Variants in GABRR2 observed in about 807,000 individuals in gnomAD.
GABRR2 encodes gamma-aminobutyric acid type A receptor subunit rho2, also known as gamma-aminobutyric acid receptor subunit rho-2.
A neutral mutation model predicts 47.0 loss-of-function variants in GABRR2; 36 were observed. The observed-to-expected ratio is 0.77, with a 90% CI of 0.59 to 1.01. GABRR2 has a LOEUF of 1.01. GABRR2 is among the 50% of genes least tolerant of loss of function. The pLI, the probability that GABRR2 is intolerant of heterozygous loss-of-function variation, is 0.00. For missense variants in GABRR2, 587 were observed against 594.6 expected (o/e 0.99, Z 0.13); for synonymous variants, 204 against 227.5 (o/e 0.90, Z 0.93).
chr6:89,279,652 G>A (rs1160330507), intron 2 of GABRR2, among the ~76,000 whole-genome samples: 8 of 148,130 alleles, frequency 5.4e-5, no homozygotes, highest in Non-Finnish European at 1.2e-4. Flanking sequence ...GATTACAGGT[G>A]TGAGCCACTA....
chr6:89,265,301 T>C (rs1773865550), intron 7 of GABRR2, among the ~76,000 whole-genome samples: 1 of 152,184 alleles, frequency 6.6e-6, no homozygotes, highest in African/African-American at 2.4e-5. Flanking sequence ...GAAGGAATTG[T>C]TGGCATTTGC....
intron 1 of GABRR2, among the ~76,000 whole-genome samples, chr6:89,304,091 A>C (rs1415320943): frequency 6.6e-6 from 1 of 152,210 alleles, no homozygotes; most frequent in Non-Finnish European, 1.5e-5. Flanking sequence ...CAGCAAAACC[A>C]AAAATTGAGA....
chr6:89,308,111 G>C (rs190171124), intron 1 of GABRR2, among the ~76,000 whole-genome samples: 1 of 152,124 alleles, frequency 6.6e-6, no homozygotes, highest in Non-Finnish European at 1.5e-5. Context: ...CACCGCGCTC[G>C]GCCTTCATTC....
At chr6:89,282,019 A>G (rs3777525) in intron 2 of GABRR2, among the ~76,000 whole-genome samples, 45,607 of 151,882 alleles carry the variant, frequency 0.3, 6,881 homozygotes, top group Admixed American at 0.33. Context: ...CTCAGCTTCA[A>G]CTCATCCGTC....
At chr6:89,264,161 G>T (rs1773819978) in intron 8 of GABRR2, among the ~76,000 whole-genome samples, 1 of 152,120 alleles carries the variant, frequency 6.6e-6, no homozygotes, top group Non-Finnish European at 1.5e-5. Flanking sequence ...AGAAAACTGA[G>T]GCTCAGCATA....
intron 1 of GABRR2, chr6:89,301,730 C>A: frequency 1.5e-6 from 1 of 650,080 alleles, no homozygotes; most frequent in South Asian, 1.6e-5. Flanking sequence ...GAGATGTCAG[C>A]AGCCAGCCCA....
chr6:89,289,154 T>C (rs1429447491), intron 2 of GABRR2, among the ~76,000 whole-genome samples: 1 of 152,160 alleles, frequency 6.6e-6, no homozygotes, highest in Non-Finnish European at 1.5e-5. Context: ...TGTGAACAAA[T>C]GCTCGCAGGC....
In GABRR2 at chr6:89,264,580, G is replaced by T; in HGVS notation, c.918C>A (p.Thr306=). Residue 306 remains threonine, a synonymous_variant, in exon 8 of 9, where the codon ACC becomes ACA. Coordinates refer to ENST00000402938, the MANE Select transcript of GABRR2 (RefSeq NM_002043.5). ...LGITTVLTMT[T]IITGVNASMP... is the part of the protein sequence containing the mutation. ...TGGAGGCATTCACGCCCGTGATGAT[G>T]GTGGTCATGGTCAGCACCGTCGTGA... 2 of 1,614,186 alleles carry T rather than the reference G, an allele frequency of 1.2e-6. No homozygotes were observed. The highest frequency in any genetic ancestry group is 1.7e-6 in the Non-Finnish European group (2 of 1,180,034).
At chr6:89,283,909 A>T (rs1171989150) in intron 2 of GABRR2, among the ~76,000 whole-genome samples, 1 of 152,202 alleles carries the variant, frequency 6.6e-6, no homozygotes, top group African/African-American at 2.4e-5. Flanking sequence ...TATTTGAAGG[A>T]TAGTCATGTG....
chr6:89,274,039 A>T (rs1774111915), intron 2 of GABRR2, among the ~76,000 whole-genome samples: 2 of 152,250 alleles, frequency 1.3e-5, no homozygotes, highest in African/African-American at 4.8e-5. Flanking sequence ...GTTTTGGCTC[A>T]GGCATTTTCC....
intron 2 of GABRR2, among the ~76,000 whole-genome samples, chr6:89,273,175 T>C (rs1482520717): frequency 2.6e-5 from 4 of 152,206 alleles, no homozygotes; most frequent in African/African-American, 9.6e-5. Flanking sequence ...TATTTTTCTG[T>C]GTTCCTCAGA....
chr6:89,298,745 A>G (rs890060659), intron 2 of GABRR2, among the ~76,000 whole-genome samples: 4 of 152,130 alleles, frequency 2.6e-5, no homozygotes, highest in African/African-American at 9.7e-5. Context: ...TATGGCCTGA[A>G]TGTTTATGTC....
intron 1 of GABRR2, among the ~76,000 whole-genome samples, chr6:89,310,863 A>G (rs922646022): frequency 6.6e-6 from 1 of 152,170 alleles, no homozygotes; most frequent in Non-Finnish European, 1.5e-5. Context: ...AGGTAATGGG[A>G]AGACAACGAA....
intron 1 of GABRR2, among the ~76,000 whole-genome samples, chr6:89,304,240 T>G (rs898528589): frequency 6.6e-6 from 1 of 152,036 alleles, no homozygotes; most frequent in African/African-American, 2.4e-5. Context: ...ATAAGGAACT[T>G]AAATTTACAA....
At position 89,257,970 on chromosome 6, in the gene GABRR2, C is replaced by A. The variant is rs758077683; in HGVS notation, c.1098G>T (p.Met366Ile). The A allele has an allele frequency of 6.2e-7, 1 of 1,613,104 alleles. No individual in the cohort carries two copies. Among genetic ancestry groups the A allele is most frequent in the African/African-American group, 1.3e-5 (1 of 74,898 alleles). Residue 366 changes from methionine to isoleucine, a missense_variant, in exon 9 of 9, where the codon ATG becomes ATT. Met to Ile is a conservative substitution (Grantham distance 10). Coordinates refer to ENST00000402938, the MANE Select transcript of GABRR2 (RefSeq NM_002043.5). The part of the protein sequence containing the change: ...ERKLREKFPC[M>I]CGMLHSKTMM... ...TGGTTTTTGAATGAAGCATTCCACA[C>A]ATGCACGGGAACTATGGGCAGCAAG... is the stretch of plus-strand genomic sequence containing the variant.
At chr6:89,260,846 A>G (rs922637682) in intron 8 of GABRR2, among the ~76,000 whole-genome samples, 5 of 152,174 alleles carry the variant, frequency 3.3e-5, no homozygotes, top group Admixed American at 2.0e-4. Flanking sequence ...CCTCAGCTCT[A>G]TTGGGAAACA....
At chr6:89,306,669 CTTCT>C (rs1048281165) in intron 1 of GABRR2, among the ~76,000 whole-genome samples, 57 of 152,182 alleles carry the variant, frequency 3.7e-4, no homozygotes, top group African/African-American at 1.4e-3. Context: ...GTGATTCTCT[CTTCT>C]TTCTTTCACG....
intron 8 of GABRR2, among the ~76,000 whole-genome samples, chr6:89,260,717 A>G (rs1220893187): frequency 2.0e-5 from 3 of 152,110 alleles, no homozygotes; most frequent in African/African-American, 4.8e-5. Context: ...GAATCAGTAG[A>G]CCTAGGGTGT....
chr6:89,294,206 G>C (rs184544140), intron 2 of GABRR2, among the ~76,000 whole-genome samples: 1 of 152,136 alleles, frequency 6.6e-6, no homozygotes, highest in Non-Finnish European at 1.5e-5. Flanking sequence ...GTGCAGTGGC[G>C]CAATCTCGGC....
Sources: gnomAD v4.1 joint callset for allele counts (sites outside exome capture counted in the v4.1 genomes callset) on GRCh38, gnomAD v4.1.1 for gene constraint, MANE v1.5 for transcripts, NCBI Gene and HGNC (gene_info 2026-07-23, HGNC 2026-07-21) for gene names.